The following CYP2S1 variants were observed in gnomAD, a reference collection of about 807,000 sequenced individuals.
CYP2S1 encodes the protein cytochrome P450 2S1.
A neutral mutation model predicts 43.5 loss-of-function variants in CYP2S1; 32 were observed. The ratio of observed to expected loss-of-function variants is 0.74; its 90% CI spans 0.56 to 0.99. The LOEUF (loss-of-function observed/expected upper bound fraction) is 0.99, where lower values mean the gene tolerates loss of function less well. Among genes scored for constraint, CYP2S1 ranks in the 50% least tolerant of loss-of-function variants. The probability of loss-of-function intolerance (pLI) is 0.00; values close to 1 mark genes in which losing one functional copy is unlikely to be tolerated. For synonymous variants in CYP2S1, 283 were observed against 302.9 expected (o/e 0.93, Z 0.68); for missense variants, 575 against 673.9 (o/e 0.85, Z 1.62).
rs1410493004 is a variant in CYP2S1 at position 41,198,947 on chromosome 19, C to T, written c.834+59C>T. On this transcript the variant is annotated intron_variant, in intron 5 of 8. Transcript: ENST00000310054. The surrounding 1 kb of genome is among the most constrained non-coding windows in gnomAD (Gnocchi z 4.9). ...TGGGCGTGGTGACCTGGCAGGTCCCCAGCCAGGTGTCCCTGGGGACCTCAA... is the reference window on the plus strand; with the variant it reads ...TGGGCGTGGTGACCTGGCAGGTCCCTAGCCAGGTGTCCCTGGGGACCTCAA... The T allele has an allele frequency of 1.6e-5, 25 of 1,552,476 alleles. No individual in the cohort carries two copies. Among genetic ancestry groups the T allele is most frequent in the African/African-American group, 5.5e-5 (4 of 73,382 alleles).
At chr19:41,206,166 G>T in intron 8 of CYP2S1, 67 bp downstream of exon 8, 1 of 1,607,584 alleles carries the variant, frequency 6.2e-7, no homozygotes, top group Non-Finnish European at 8.5e-7. Context: ...TGCCAGCTGG[G>T]GGCACCCTTC....
chr19:41,203,735 G>C (rs1238563161), intron 7 of CYP2S1, 98 bp downstream of exon 7: 2 of 1,255,528 alleles, frequency 1.6e-6, no homozygotes, highest in Non-Finnish European at 2.1e-6. Context: ...CTTGATCTTA[G>C]TGTCTCTCTC....
chr19:41,197,726 G>A lies in CYP2S1; in HGVS notation c.344-53G>A, dbSNP rs1199224472. The stretch of plus-strand genomic sequence containing the variant: ...AAAAAAAAAAGAAAGAAAGGAAGAA[G>A]GGGGAATGGGGGAGAGGGGCCGGTC... On this transcript the variant is annotated intron_variant, in intron 2 of 8. Transcript: ENST00000310054. 4.4e-6 allele frequency: 7 copies of A among 1,589,144 alleles called. No homozygotes were observed. The East Asian group carries it at 1.6e-4, about 36-fold the overall frequency.
At position 41,199,132 on chromosome 19, in the gene CYP2S1, GTCTC is replaced by G. The variant is rs8192796; in HGVS notation, c.834+247_834+250del. Among the ~76,000 whole-genome samples, 16 of 152,200 alleles carry G rather than the reference GTCTC, an allele frequency of 1.1e-4. No individual in the cohort carries two copies. In the East Asian group the frequency reaches 2.7e-3, roughly 26 times the overall value. ...CCTGGGCATTTGTGCCGGGCTGTCT[GTCTC>G]TCCAGCATCTCTCCTCTTTCTCCCT... On this transcript the variant is annotated intron_variant, in intron 5 of 8. Transcript: ENST00000310054.
chr19:41,196,501 A>T (rs554782498), intron 2 of CYP2S1, among the ~76,000 whole-genome samples: 1 of 152,116 alleles, frequency 6.6e-6, no homozygotes, highest in South Asian at 2.1e-4. Flanking sequence ...ATCCAGGGTG[A>T]TGGGGAGGCT....
rs10413449 is a variant in CYP2S1, at chr19:41,207,134, C to G, written c.*646C>G. 5 of 301,200 alleles carry G rather than the reference C, an allele frequency of 1.7e-5. No homozygotes were observed. Among genetic ancestry groups the G allele is most frequent in the Non-Finnish European group, 3.3e-5 (5 of 152,984 alleles). The allele number at this position is 301,200 out of a possible 1,614,324, so 18.7% of individuals were successfully genotyped here. A position where few individuals can be genotyped will look rare whatever the true frequency, so the allele number is the denominator to read the frequency against. On this transcript the variant is annotated 3_prime_UTR_variant, in exon 9 of 9. Coordinates refer to ENST00000310054, the MANE Select transcript of CYP2S1 (RefSeq NM_030622.8). Reference sequence around the variant, plus strand: ...TCTTCCCACTGAGACACGCCGCCCCCACAGAGGCACAGTCCCCAGCCACCT... The same window carrying G: ...TCTTCCCACTGAGACACGCCGCCCCGACAGAGGCACAGTCCCCAGCCACCT...
intron 5 of CYP2S1, among the ~76,000 whole-genome samples, chr19:41,200,904 C>G (rs551702305): frequency 9.2e-5 from 14 of 152,136 alleles, no homozygotes; most frequent in African/African-American, 3.4e-4. Context: ...ATGCAGAAAC[C>G]CCGTCTCCAT....
At chr19:41,204,592 CTTTTTTTTTT>C (rs553640679) in intron 7 of CYP2S1, among the ~76,000 whole-genome samples, 2 of 109,046 alleles carry the variant, frequency 1.8e-5, no homozygotes, top group African/African-American at 7.8e-5. Context: ...TCTTCTTCTT[CTTTTTTTTTT>C]TTTTTTTTTT....
intron 6 of CYP2S1, 87 bp downstream of exon 6, chr19:41,201,459 A>C: frequency 6.6e-7 from 1 of 1,514,922 alleles, no homozygotes; most frequent in Non-Finnish European, 8.8e-7. Flanking sequence ...TAATCCCAGC[A>C]CTTTGGGAGG....
chr19:41,202,674 T>C (rs1484713052), intron 6 of CYP2S1, among the ~76,000 whole-genome samples: 2 of 151,428 alleles, frequency 1.3e-5, no homozygotes, highest in East Asian at 2.0e-4. Flanking sequence ...CCTGTGGTCA[T>C]AGCTACTCAG....
intron 5 of CYP2S1, 44 bp from the exon 6 acceptor site, chr19:41,201,187 C>T (rs1202856568): frequency 1.2e-6 from 2 of 1,603,812 alleles, no homozygotes; most frequent in East Asian, 2.2e-5. Flanking sequence ...CATTTACTTC[C>T]CAAAGGCTGT....
intron 8 of CYP2S1, 74 bp downstream of exon 8, chr19:41,206,173 C>G: frequency 6.2e-7 from 1 of 1,607,732 alleles, no homozygotes; most frequent in South Asian, 1.1e-5. Flanking sequence ...TGGGGGCACC[C>G]TTCTGCACCC....
chr19:41,199,970 CAAA>C (rs111678293), intron 5 of CYP2S1, among the ~76,000 whole-genome samples: 3 of 89,064 alleles, frequency 3.4e-5, no homozygotes, highest in Admixed American at 1.3e-4. Flanking sequence ...AATTCCATCT[CAAA>C]AAAAAAAAAA....
rs539457724 is a variant in CYP2S1, at chr19:41,193,362, C to T, written c.98C>T (p.Pro33Leu). Residue 33 changes from proline to leucine, a missense_variant, in exon 1 of 9, where the codon CCC becomes CTC. Pro to Leu is a moderately conservative substitution (Grantham distance 98). This residue lies in a region of CYP2S1 where 353 missense variants were observed against 367.6 expected (regional missense o/e 0.96). Transcript: ENST00000310054. ...LSGTRARGHL[P>L]PGPTPLPLLG... ...GGGACCAGGGCCCGAGGCCACCTGC[C>T]CCCCGGGCCCACGCCGCTACCACTG... 5 of 1,534,186 alleles carry T rather than the reference C, an allele frequency of 3.3e-6. No homozygotes were observed. The African/African-American group carries it at 4.2e-5, about 13-fold the overall frequency.
intron 7 of CYP2S1, among the ~76,000 whole-genome samples, chr19:41,204,367 C>A (rs933714600): frequency 6.6e-6 from 1 of 151,586 alleles, no homozygotes; most frequent in African/African-American, 2.4e-5. Flanking sequence ...CCCTCTTGAC[C>A]CTTAGCCCCT....
rs1160507428 is a variant in CYP2S1, at chr19:41,207,260, G to C, written c.*772G>C. On this transcript the variant is annotated 3_prime_UTR_variant, in exon 9 of 9. Transcript: ENST00000310054. ...TTATGCACAGAGACTTTGGACATAC[G>C]AGGACCCTCAGACCGGAGGAACACC... 2 of 216,232 alleles carry C rather than the reference G, an allele frequency of 9.2e-6. No individual in the cohort carries two copies. 13.4% of individuals were successfully genotyped at this position (216,232 alleles called of 1,614,324 possible). A position where few individuals can be genotyped will look rare whatever the true frequency, so the allele number is the denominator to read the frequency against.
rs200051547 is a variant in CYP2S1 at position 41,194,548 on chromosome 19, G to A, written c.182G>A (p.Ser61Asn). The A allele has an allele frequency of 1.9e-5, 30 of 1,581,356 alleles. No homozygotes were observed. The East Asian group carries it at 6.4e-4, about 34-fold the overall frequency. Reference protein sequence around the residue: ...GALYSGLMRLSKKYGPVFTIY... With the variant: ...GALYSGLMRLNKKYGPVFTIY... ...TTTCTTCCTCCCTACCCCCAGCTGA[G>A]TAAGAAGTACGGACCGGTGTTCACC... is the stretch of plus-strand genomic sequence containing the variant. Residue 61 changes from serine (S) to asparagine (N), a missense_variant, in exon 2 of 9, where the codon AGT (serine) becomes AAT (asparagine). Ser to Asn is a conservative substitution (Grantham distance 46, BLOSUM62 1). Coordinates refer to ENST00000310054, the MANE Select transcript of CYP2S1 (RefSeq NM_030622.8).
chr19:41,201,185 TC>T (rs749976098), intron 5 of CYP2S1, 45 bp from the exon 6 acceptor site: 53 of 1,598,282 alleles, frequency 3.3e-5, no homozygotes, highest in Non-Finnish European at 4.5e-5. Flanking sequence ...GACATTTACT[TC>T]CCAAAGGCTG....
At position 41,198,452 on chromosome 19, in the gene CYP2S1, T is replaced by A. The variant is rs1413717743; in HGVS notation, c.494-10T>A. ...ATCACAGCCTACCTCCCTGCCCCCATTCCCCCCAGGACGCCCATTCGATCC... is the reference window on the plus strand; with the variant it reads ...ATCACAGCCTACCTCCCTGCCCCCAATCCCCCCAGGACGCCCATTCGATCC... On this transcript the variant is annotated splice_polypyrimidine_tract_variant and intron_variant, in intron 3 of 8. Coordinates refer to ENST00000310054, the MANE Select transcript of CYP2S1 (RefSeq NM_030622.8). This position sits in a 1 kb window ranked among gnomAD's most constrained non-coding sequence, Gnocchi z 4.9. 1 of 1,613,084 alleles carries A rather than the reference T, an allele frequency of 6.2e-7. No homozygotes were observed. Among genetic ancestry groups the A allele is most frequent in the Non-Finnish European group, 8.5e-7 (1 of 1,179,578 alleles).
Sources: allele counts gnomAD v4.1 joint callset (sites outside exome capture counted in the v4.1 genomes callset), GRCh38; gene constraint gnomAD v4.1.1; regional missense constraint gnomAD v4.1.1; non-coding constraint Gnocchi (gnomAD v3.1); transcripts MANE v1.5; gene names NCBI Gene and HGNC (gene_info 2026-07-23, HGNC 2026-07-21).